Variants in FAP observed in about 807,000 individuals in gnomAD.
FAP encodes fibroblast activation protein alpha.
FAP carries 110 observed loss-of-function variants against 126.5 expected under a neutral mutation model. The observed-to-expected ratio is 0.87, with a 90% CI of 0.74 to 1.02. FAP has a LOEUF of 1.02. Among genes scored for constraint, FAP ranks in the 50% least tolerant of loss-of-function variants. The pLI is 0.00. For synonymous variants in FAP, 334 were observed against 297.3 expected (o/e 1.12, Z -1.27); for missense variants, 919 against 909.2 (o/e 1.01, Z -0.14).
At chr2:162,209,250 T>C (rs1217753479) in intron 12 of FAP, among the ~76,000 whole-genome samples, 1 of 152,186 alleles carries the variant, frequency 6.6e-6, no homozygotes, top group East Asian at 1.9e-4. Context: ...ACTAATTGAA[T>C]TGAATTATGT....
intron 10 of FAP, among the ~76,000 whole-genome samples, 182 bp downstream of exon 10, chr2:162,215,716 T>C (rs1393654488): frequency 1.3e-5 from 2 of 152,238 alleles, no homozygotes; most frequent in African/African-American, 4.8e-5. Context: ...GTCACGTTTA[T>C]ATGTGTAAAA....
intron 17 of FAP, chr2:162,193,905 G>T (rs1382875819): frequency 6.6e-6 from 1 of 152,106 alleles, no homozygotes; most frequent in Non-Finnish European, 1.5e-5. Flanking sequence ...GAAGAAAGTG[G>T]CATCTGCCTC....
intron 6 of FAP, among the ~76,000 whole-genome samples, chr2:162,220,584 G>C (rs1559787311): frequency 6.6e-6 from 1 of 152,188 alleles, no homozygotes; most frequent in Non-Finnish European, 1.5e-5. Context: ...CTGATCTCAA[G>C]CTAAACTGAA....
Position 162,243,350 on chromosome 2 carries a change from T to C in FAP, c.-23A>G. 2 of 1,610,864 alleles carry C rather than the reference T, an allele frequency of 1.2e-6. No individual in the cohort carries two copies. The highest frequency in any genetic ancestry group is 1.1e-5 in the South Asian group (1 of 90,594). On this transcript the variant is annotated 5_prime_UTR_variant, in exon 1 of 26. Coordinates refer to ENST00000188790, the MANE Select transcript of FAP (RefSeq NM_004460.5). ...CATTTTTCCAGATGTTTTTGAAAGT[T>C]AGCTAATTCTGTCTTCAGAGCGTGG... is the stretch of plus-strand genomic sequence containing the variant.
intron 6 of FAP, among the ~76,000 whole-genome samples, chr2:162,221,011 T>G (rs1689365617): frequency 6.6e-6 from 1 of 152,184 alleles, no homozygotes; most frequent in Non-Finnish European, 1.5e-5. Flanking sequence ...TTTTAATATT[T>G]GGGCAATTGT....
At chr2:162,243,051 C>A (rs529134940) in intron 1 of FAP, 59 bp from the exon 2 acceptor site, 2 of 1,385,322 alleles carry the variant, frequency 1.4e-6, no homozygotes, top group African/African-American at 2.9e-5. Flanking sequence ...GTAGAAATGG[C>A]AAGATTTTGT....
chr2:162,237,663 C>A (rs34693174), intron 2 of FAP, among the ~76,000 whole-genome samples: 6,726 of 152,242 alleles, frequency 0.044, 202 homozygotes, highest in Admixed American at 0.064. Context: ...AATAAACATA[C>A]ATGTGCATGT....
At chr2:162,207,713 C>CAT (rs1688760690) in intron 12 of FAP, among the ~76,000 whole-genome samples, 1 of 142,508 alleles carries the variant, frequency 7.0e-6, no homozygotes, top group African/African-American at 2.7e-5. Context: ...CCACTGAGGG[C>CAT]ATTTTTTTTT....
intron 2 of FAP, among the ~76,000 whole-genome samples, chr2:162,234,197 A>G (rs1690012912): frequency 6.6e-6 from 1 of 152,116 alleles, no homozygotes; most frequent in African/African-American, 2.4e-5. Flanking sequence ...GGTCCCTTGC[A>G]TTTTTGTATG....
chr2:162,188,658 C>T (rs1687935686), intron 19 of FAP, among the ~76,000 whole-genome samples: 1 of 152,016 alleles, frequency 6.6e-6, no homozygotes, highest in Admixed American at 6.6e-5. Context: ...TTGCTAAAAG[C>T]AGACATAAGA....
chr2:162,238,574 C>T (rs1197125461), intron 2 of FAP, among the ~76,000 whole-genome samples: 2 of 152,134 alleles, frequency 1.3e-5, no homozygotes, highest in Non-Finnish European at 2.9e-5. Flanking sequence ...CTTTTATATT[C>T]ATGAACTTTC....
intron 16 of FAP, chr2:162,197,630 C>T (rs1403294481): frequency 4.4e-6 from 2 of 456,542 alleles, no homozygotes; most frequent in Non-Finnish European, 8.8e-6. Flanking sequence ...TCCACGTAGT[C>T]AAATGAGCTG....
chr2:162,241,693 A>G (rs1022323293), intron 2 of FAP, among the ~76,000 whole-genome samples: 2 of 152,206 alleles, frequency 1.3e-5, no homozygotes, highest in Non-Finnish European at 2.9e-5. Context: ...TGTGGCCCCA[A>G]GACCACTGAG....
intron 12 of FAP, among the ~76,000 whole-genome samples, chr2:162,206,748 T>C (rs1445037656): frequency 2.6e-5 from 4 of 152,206 alleles, no homozygotes; most frequent in Non-Finnish European, 5.9e-5. Flanking sequence ...AATTTTGTTA[T>C]TTTTTCTGAT....
intron 8 of FAP, 106 bp downstream of exon 8, chr2:162,218,957 C>T (rs1318480492): frequency 1.1e-6 from 1 of 876,284 alleles, no homozygotes. Context: ...AGCAATGCTA[C>T]CCTTCATGGA....
chr2:162,181,755 C>T (rs923855830), intron 21 of FAP, among the ~76,000 whole-genome samples: 2 of 152,198 alleles, frequency 1.3e-5, no homozygotes, highest in Non-Finnish European at 2.9e-5. Flanking sequence ...ACTTACTCAT[C>T]TTTTCATCCC....
intron 20 of FAP, among the ~76,000 whole-genome samples, chr2:162,186,077 C>G (rs1041877144): frequency 6.6e-6 from 1 of 152,154 alleles, no homozygotes; most frequent in African/African-American, 2.4e-5. Flanking sequence ...AAAGTTTGAT[C>G]TAACAACAAT....
At chr2:162,185,160 A>G (rs546339316) in intron 20 of FAP, among the ~76,000 whole-genome samples, 20 of 152,326 alleles carry the variant, frequency 1.3e-4, no homozygotes, top group Non-Finnish European at 2.6e-4. Context: ...TATCAACAAA[A>G]TGTCAGTAAC....
chr2:162,175,308 G>A (rs1221056603), intron 21 of FAP: 2 of 156,146 alleles, frequency 1.3e-5, no homozygotes, highest in African/African-American at 4.8e-5. Context: ...CTAGGACCAT[G>A]CTGGAACAAA....
Sources: gnomAD v4.1 joint callset for allele counts (sites outside exome capture counted in the v4.1 genomes callset) on GRCh38, gnomAD v4.1.1 for gene constraint, MANE v1.5 for transcripts, NCBI Gene and HGNC (gene_info 2026-07-23, HGNC 2026-07-21) for gene names.